Variants in R3HCC1L observed in about 807,000 individuals in gnomAD.
The protein encoded by R3HCC1L is coiled-coil domain-containing protein R3HCC1L.
R3HCC1L carries 51 observed loss-of-function variants against 59.9 expected under a neutral mutation model. That is an observed-to-expected ratio of 0.85 (90% CI 0.68 to 1.07). The LOEUF (loss-of-function observed/expected upper bound fraction) is 1.07. R3HCC1L is among the 50% of genes least tolerant of loss of function. R3HCC1L has a pLI of 0.00. For missense variants in R3HCC1L, 965 were observed against 933.0 expected (o/e 1.03, Z -0.45); for synonymous variants, 322 against 315.2 (o/e 1.02, Z -0.23).
At chr10:98,141,358 C>T (rs965055060) in intron 1 of R3HCC1L, among the ~76,000 whole-genome samples, 3 of 152,114 alleles carry the variant, frequency 2.0e-5, no homozygotes, top group African/African-American at 7.2e-5. Context: ...ACAGGTCTGC[C>T]AAATTGCACA....
intron 7 of R3HCC1L, 79 bp downstream of exon 7, chr10:98,234,595 G>A: frequency 6.9e-7 from 1 of 1,440,752 alleles, no homozygotes; most frequent in Non-Finnish European, 9.7e-7. Context: ...CCTTCTATTT[G>A]AGCAAGTTGG....
At chr10:98,183,958 G>GTTTTTTTTTTT (rs71007380) in intron 4 of R3HCC1L, among the ~76,000 whole-genome samples, 11 of 126,564 alleles carry the variant, frequency 8.7e-5, no homozygotes, top group African/African-American at 2.1e-4. Flanking sequence ...TCCTTTTTCG[G>GTTTTTTTTTTT]TTTTTTTTTT....
chr10:98,232,181 G>T (rs1197616334), intron 6 of R3HCC1L, among the ~76,000 whole-genome samples: 5 of 151,956 alleles, frequency 3.3e-5, no homozygotes, highest in Non-Finnish European at 5.9e-5. Flanking sequence ...GTAGAGACAG[G>T]GTTTCACCAT....
At chr10:98,158,608 A>G (rs1847108524) in intron 2 of R3HCC1L, among the ~76,000 whole-genome samples, 1 of 152,228 alleles carries the variant, frequency 6.6e-6, no homozygotes, top group Non-Finnish European at 1.5e-5. Context: ...ACATTCTTGT[A>G]TATAAGCCAC....
intron 4 of R3HCC1L, among the ~76,000 whole-genome samples, chr10:98,206,582 TA>T (rs1852695134): frequency 7.7e-6 from 1 of 129,380 alleles, no homozygotes; most frequent in South Asian, 2.8e-4. Context: ...AACTAATCTC[TA>T]AATTCATTTC....
rs1009462638 is a variant in R3HCC1L at position 98,134,678 on chromosome 10, C to G, written c.-296C>G. On this transcript the variant is annotated 5_prime_UTR_variant, in exon 1 of 10. Coordinates refer to ENST00000298999, the MANE Select transcript of R3HCC1L (RefSeq NM_001351015.2). ...CGGAAGAGATAGAGCTTCGCGGAGA[C>G]GGCGGAAGCGGAGAGCAACAGCGCG... is the stretch of plus-strand genomic sequence containing the variant. 6.6e-6 allele frequency: 1 copy of G among 152,292 alleles called. No individual in the cohort carries two copies. Among genetic ancestry groups the G allele is most frequent in the Non-Finnish European group, 1.5e-5 (1 of 68,100 alleles). 9.4% of individuals were successfully genotyped at this position (152,292 alleles called of 1,614,324 possible).
chr10:98,140,132 T>C (rs896092591), intron 1 of R3HCC1L, among the ~76,000 whole-genome samples: 2 of 152,146 alleles, frequency 1.3e-5, no homozygotes, highest in Non-Finnish European at 2.9e-5. Flanking sequence ...AGTGTTCATA[T>C]TGGCTTGCAG....
At chr10:98,238,683 T>G (rs763084826) in intron 9 of R3HCC1L, among the ~76,000 whole-genome samples, 2 of 152,172 alleles carry the variant, frequency 1.3e-5, no homozygotes, top group Non-Finnish European at 2.9e-5. Context: ...AACCCATGCT[T>G]CTTCTGTAAT....
intron 5 of R3HCC1L, among the ~76,000 whole-genome samples, chr10:98,216,294 G>A (rs961091007): frequency 6.6e-6 from 1 of 151,962 alleles, no homozygotes; most frequent in African/African-American, 2.4e-5. Context: ...CAGGTGGATC[G>A]CTTGAGTGCA....
rs374802139 is a variant in R3HCC1L, at chr10:98,209,042, G to T, written c.928G>T (p.Ala310Ser). Reference protein sequence around the residue: ...LDQKDTDSIPATMGHISLSES... With the variant: ...LDQKDTDSIPSTMGHISLSES... ...TCAAAAAGATACAGATTCCATTCCT[G>T]CAACTATGGGTCACATCTCTCTGTC... Residue 310 changes from alanine (A) to serine (S), a missense_variant, in exon 5 of 10, where the codon GCA becomes TCA. Ala to Ser is a moderately conservative substitution (Grantham distance 99). Transcript: ENST00000298999. 2 of 1,613,534 alleles carry T rather than the reference G, an allele frequency of 1.2e-6. No homozygotes were observed. The highest frequency in any genetic ancestry group is 1.7e-6 in the Non-Finnish European group (2 of 1,179,540).
At chr10:98,230,274 A>G (rs1418733131) in intron 5 of R3HCC1L, among the ~76,000 whole-genome samples, 1 of 152,182 alleles carries the variant, frequency 6.6e-6, no homozygotes, top group Admixed American at 6.5e-5. Context: ...TTATTGGTCT[A>G]TTCAGAGATT....
At chr10:98,240,576 C>T (rs754744836) in intron 9 of R3HCC1L, among the ~76,000 whole-genome samples, 2 of 152,152 alleles carry the variant, frequency 1.3e-5, no homozygotes, top group Non-Finnish European at 2.9e-5. Flanking sequence ...AAACAGTAGC[C>T]CGCTCACCTA....
chr10:98,162,105 T>C (rs922592284), intron 2 of R3HCC1L, among the ~76,000 whole-genome samples: 2 of 151,430 alleles, frequency 1.3e-5, no homozygotes. Flanking sequence ...AAATTCTCCT[T>C]TTTTTTTTCA....
At chr10:98,219,470 T>A (rs987264880) in intron 5 of R3HCC1L, among the ~76,000 whole-genome samples, 2 of 152,228 alleles carry the variant, frequency 1.3e-5, no homozygotes, top group African/African-American at 4.8e-5. Flanking sequence ...TAAGGACTTA[T>A]TCCTGTCATT....
intron 4 of R3HCC1L, among the ~76,000 whole-genome samples, chr10:98,201,675 A>G (rs528407246): frequency 1.3e-5 from 2 of 152,300 alleles, no homozygotes; most frequent in African/African-American, 2.4e-5. Flanking sequence ...TGTATTTTCT[A>G]GAAAAGAAAG....
At chr10:98,178,663 C>G (rs1590575869) in intron 4 of R3HCC1L, among the ~76,000 whole-genome samples, 2 of 152,256 alleles carry the variant, frequency 1.3e-5, no homozygotes, top group Middle Eastern at 3.4e-3. Context: ...GGCAGTATGG[C>G]CATTTTCACG....
chr10:98,171,101 C>G (rs981920820), intron 4 of R3HCC1L, among the ~76,000 whole-genome samples: 2 of 152,210 alleles, frequency 1.3e-5, no homozygotes, highest in Admixed American at 6.5e-5. Flanking sequence ...TGCCTTCACT[C>G]TCTCTGAAAT....
chr10:98,185,982 G>C (rs1850190733), intron 4 of R3HCC1L, among the ~76,000 whole-genome samples: 1 of 152,194 alleles, frequency 6.6e-6, no homozygotes, highest in Non-Finnish European at 1.5e-5. Flanking sequence ...ATACTCAAAT[G>C]TGAAGATCAG....
At chr10:98,162,333 A>G (rs897570348) in intron 2 of R3HCC1L, among the ~76,000 whole-genome samples, 8 of 152,206 alleles carry the variant, frequency 5.3e-5, no homozygotes, top group Non-Finnish European at 1.2e-4. Flanking sequence ...TGCCTCATCA[A>G]AGGTCTTTTG....
Sources: allele counts gnomAD v4.1 joint callset (sites outside exome capture counted in the v4.1 genomes callset), GRCh38; gene constraint gnomAD v4.1.1; transcripts MANE v1.5; gene names NCBI Gene and HGNC (gene_info 2026-07-23, HGNC 2026-07-21).